The following CGGBP1 variants were observed in gnomAD, a reference collection of about 807,000 sequenced individuals.
CGGBP1 encodes the protein CGG triplet repeat binding protein 1, also known as CGG triplet repeat-binding protein 1.
A neutral mutation model predicts 11.4 loss-of-function variants in CGGBP1; 4 were observed. The observed-to-expected ratio is 0.35, with a 90% CI of 0.17 to 0.80. The LOEUF is 0.80. CGGBP1 is among the 30% of genes least tolerant of loss of function. The pLI, the probability that CGGBP1 is intolerant of heterozygous loss-of-function variation, is 0.52. For synonymous variants in CGGBP1, 76 were observed against 74.1 expected (o/e 1.03, Z -0.13); for missense variants, 135 against 202.1 (o/e 0.67, Z 2.01).
chr3:88,123,286 T>C (rs1442516627), intron 2 of CGGBP1, among the ~76,000 whole-genome samples: 4 of 152,150 alleles, frequency 2.6e-5, no homozygotes, highest in Non-Finnish European at 5.9e-5. Flanking sequence ...CTGTTTTCCA[T>C]AAGAGTGGTC....
chr3:88,140,297 A>G, intron 2 of CGGBP1: 1 of 1,613,808 alleles, frequency 6.2e-7, no homozygotes, highest in Non-Finnish European at 8.5e-7. Context: ...CACCAGAGTC[A>G]TCTGCACAAC....
chr3:88,059,210 T>G, upstream of CGGBP1: 2 of 1,470,306 alleles, frequency 1.4e-6, no homozygotes, highest in Non-Finnish European at 1.8e-6. Context: ...CCTGTCCGGC[T>G]AGGGAGGAGG....
chr3:88,140,422 G>A (rs1008952261), intron 2 of CGGBP1: 1 of 1,613,274 alleles, frequency 6.2e-7, no homozygotes. Context: ...AGCAAATCAA[G>A]GAAAGAGTCT....
intron 2 of CGGBP1, among the ~76,000 whole-genome samples, chr3:88,103,762 C>CTT (rs56210218): frequency 5.6e-4 from 47 of 83,342 alleles, no homozygotes; most frequent in African/African-American, 1.8e-3. Flanking sequence ...GATGTATTAA[C>CTT]TTTTTTTTTT....
intron 2 of CGGBP1, among the ~76,000 whole-genome samples, chr3:88,102,817 CTTTT>C (rs10701359): frequency 8.4e-5 from 9 of 106,548 alleles, no homozygotes; most frequent in African/African-American, 2.8e-4. Context: ...CCTCTACTGT[CTTTT>C]TTTTTTTTTT....
In CGGBP1 at chr3:88,111,270, G is replaced by A. The variant is rs550194825; in HGVS notation, c.-229+29700C>T. On this transcript the variant is annotated intron_variant, in intron 2 of 3. Transcript: ENST00000462901. ...GAAAAATTACAAAACGATTAATAACGAAAAATAATTCTCCCTTTCATTTCT... is the reference window on the plus strand; with the variant it reads ...GAAAAATTACAAAACGATTAATAACAAAAAATAATTCTCCCTTTCATTTCT... Among the ~76,000 whole-genome samples, 161 of 151,940 alleles carry A rather than the reference G, an allele frequency of 1.1e-3. 1 individual carries two copies. Among genetic ancestry groups the A allele is most frequent in the Middle Eastern group, 3.4e-3 (1 of 292 alleles).
At chr3:88,087,917 T>C (rs1359775739) in intron 2 of CGGBP1, among the ~76,000 whole-genome samples, 1 of 152,216 alleles carries the variant, frequency 6.6e-6, no homozygotes, top group Non-Finnish European at 1.5e-5. Context: ...CGAAACTCTT[T>C]GAGTGCTAAC....
intron 2 of CGGBP1, among the ~76,000 whole-genome samples, chr3:88,065,699 C>T (rs114959327): frequency 0.01 from 1,566 of 151,802 alleles, 26 homozygotes; most frequent in African/African-American, 0.035. Context: ...ATTTCATTTT[C>T]TTTTCCTACC....
chr3:88,070,992 G>T (rs1215620437), intron 2 of CGGBP1, among the ~76,000 whole-genome samples: 1 of 152,042 alleles, frequency 6.6e-6, no homozygotes, highest in Non-Finnish European at 1.5e-5. Context: ...CTGAGGGAAA[G>T]ATATAAAACG....
At chr3:88,071,617 C>T (rs564462308) in intron 2 of CGGBP1, among the ~76,000 whole-genome samples, 2 of 148,128 alleles carry the variant, frequency 1.4e-5, no homozygotes, top group South Asian at 4.4e-4. Flanking sequence ...GCCTGGGTGA[C>T]AGAGCGAGAC....
At chr3:88,089,490 TA>T (rs11425740) in intron 2 of CGGBP1, among the ~76,000 whole-genome samples, 45 of 147,726 alleles carry the variant, frequency 3.0e-4, no homozygotes, top group African/African-American at 6.2e-4. Context: ...AAACTCTGTT[TA>T]AAAAAAAAAA....
chr3:88,082,837 C>T (rs2107650866), intron 2 of CGGBP1, among the ~76,000 whole-genome samples: 1 of 152,272 alleles, frequency 6.6e-6, no homozygotes, highest in South Asian at 2.1e-4. Flanking sequence ...GCTTAAACAA[C>T]AGAAATTTAT....
chr3:88,098,928 G>A (rs1704230212), intron 2 of CGGBP1, among the ~76,000 whole-genome samples: 1 of 152,140 alleles, frequency 6.6e-6, no homozygotes, highest in Non-Finnish European at 1.5e-5. Context: ...GCTGGCACAA[G>A]CAGGGATGCC....
chr3:88,144,802 T>G (rs1707277956), intron 1 of CGGBP1: 1 of 152,196 alleles, frequency 6.6e-6, no homozygotes, highest in South Asian at 2.1e-4. Context: ...ATTGAGTGAT[T>G]TTTTTAAACA....
chr3:88,071,905 T>A (rs1459615698), intron 2 of CGGBP1, among the ~76,000 whole-genome samples: 1 of 152,238 alleles, frequency 6.6e-6, no homozygotes, highest in Non-Finnish European at 1.5e-5. Context: ...ATTTTGAAGT[T>A]AACTTCAACA....
chr3:88,145,348 T>G (rs1263825071), intron 1 of CGGBP1, among the ~76,000 whole-genome samples: 1 of 152,096 alleles, frequency 6.6e-6, no homozygotes. Context: ...TAAAATGATT[T>G]GTGCATGTTA....
At chr3:88,105,094 G>A (rs1704655802) in intron 2 of CGGBP1, among the ~76,000 whole-genome samples, 2 of 152,198 alleles carry the variant, frequency 1.3e-5, no homozygotes, top group Admixed American at 1.3e-4. Context: ...GAGCTGAGTT[G>A]CACCACTGCA....
intron 2 of CGGBP1, among the ~76,000 whole-genome samples, chr3:88,070,709 C>T (rs1707463230): frequency 6.6e-6 from 1 of 151,262 alleles, no homozygotes; most frequent in South Asian, 2.1e-4. Flanking sequence ...ACTTTTTGGC[C>T]CCTTAAGAAA....
chr3:88,142,218 T>G (rs1192525891), intron 1 of CGGBP1: 1 of 152,288 alleles, frequency 6.6e-6, no homozygotes, highest in Non-Finnish European at 1.5e-5. Flanking sequence ...CAATTAAAGA[T>G]TGTAACAGGT....
Sources: allele counts gnomAD v4.1 joint callset (sites outside exome capture counted in the v4.1 genomes callset), GRCh38; gene constraint gnomAD v4.1.1; transcripts MANE v1.5; gene names NCBI Gene and HGNC (gene_info 2026-07-23, HGNC 2026-07-21).